Variants in RBM48 observed in about 807,000 individuals in gnomAD.
The protein encoded by RBM48 is RNA-binding protein 48.
In RBM48, 32 loss-of-function variants were observed where a neutral mutation model predicts 34.8. The ratio of observed to expected loss-of-function variants is 0.92; its 90% CI spans 0.69 to 1.23. RBM48 has a LOEUF of 1.23. RBM48 is among the 50% of genes most tolerant of loss of function. RBM48 has a pLI of 0.00. For missense variants in RBM48, 441 were observed against 447.2 expected (o/e 0.99, Z 0.12); for synonymous variants, 151 against 156.2 (o/e 0.97, Z 0.25).
In RBM48 at chr7:92,534,899, A is replaced by T. The variant is rs1487432649; in HGVS notation, c.946A>T (p.Ile316Phe). ...TATGATTGGACCTCTGTTACCAGAC[A>T]TCTCTAAAGTGGATATGCACGATGA... The part of the protein sequence containing the change: ...EIMIGPLLPD[I>F]SKVDMHDDSL... Residue 316 changes from isoleucine to phenylalanine, a missense_variant, in exon 4 of 5, where the codon ATC becomes TTC. Physicochemically the swap from Ile to Phe is conservative, Grantham distance 21. Coordinates refer to ENST00000265732, the MANE Select transcript of RBM48 (RefSeq NM_032120.4). The T allele has an allele frequency of 6.2e-7, 1 of 1,614,186 alleles. No homozygotes were observed. The highest frequency in any genetic ancestry group is 1.7e-5 in the Admixed American group (1 of 60,026).
intron 4 of RBM48, chr7:92,535,663 TACTC>T (rs1261365737): frequency 7.1e-6 from 7 of 985,118 alleles, no homozygotes; most frequent in Non-Finnish European, 8.4e-6. Flanking sequence ...CTCTTATACT[TACTC>T]CAAGATGCAG....
intron 4 of RBM48, chr7:92,536,129 CAA>C: frequency 2.1e-6 from 2 of 965,342 alleles, no homozygotes; most frequent in South Asian, 4.8e-5. Flanking sequence ...GACCCTGTCT[CAA>C]AAAAAAAGGT....
chr7:92,530,947 T>C (rs761531615), intron 2 of RBM48, among the ~76,000 whole-genome samples: 4 of 152,102 alleles, frequency 2.6e-5, no homozygotes, highest in African/African-American at 4.8e-5. Flanking sequence ...CTGGGTGTGT[T>C]GGTGCATTCC....
rs1793804019 is a variant in RBM48, at chr7:92,539,347, A to G, written c.*2410A>G. Among the ~76,000 whole-genome samples the G allele has an allele frequency of 6.6e-6, 1 of 152,254 alleles. No homozygotes were observed. The highest frequency in any genetic ancestry group is 6.5e-5 in the Admixed American group (1 of 15,288). The stretch of plus-strand genomic sequence containing the variant: ...CTACAGGGAGACAAATAAATTAAAG[A>G]GATGAGTTGAGGTGGATAAGGATAG... On this transcript the variant is annotated 3_prime_UTR_variant, in exon 5 of 5. Transcript: ENST00000265732.
rs1167665007 is a variant in RBM48 at position 92,537,141 on chromosome 7, G to C, written c.*204G>C. The C allele has an allele frequency of 5.3e-6, 2 of 374,376 alleles. No individual in the cohort carries two copies. Among genetic ancestry groups the C allele is most frequent in the East Asian group, 6.0e-5 (1 of 16,660 alleles). 23.2% of individuals were successfully genotyped at this position (374,376 alleles called of 1,614,324 possible). A position where few individuals can be genotyped will look rare whatever the true frequency, so the allele number is the denominator to read the frequency against. ...TCTGTTGCCCAGGCTGGAATGCAGT[G>C]GCGTGATCTCGGCTCACTGCAACCT... On this transcript the variant is annotated 3_prime_UTR_variant, in exon 5 of 5. Coordinates refer to ENST00000265732, the MANE Select transcript of RBM48 (RefSeq NM_032120.4).
intron 1 of RBM48, 45 bp from the exon 2 acceptor site, chr7:92,529,431 A>C (rs1473541739): frequency 1.7e-6 from 2 of 1,204,192 alleles, no homozygotes; most frequent in African/African-American, 1.5e-5. Context: ...GATTCGTCCT[A>C]GGCTTATTTG....
At chr7:92,534,029 A>G (rs988655212) in intron 3 of RBM48, among the ~76,000 whole-genome samples, 1 of 151,948 alleles carries the variant, frequency 6.6e-6, no homozygotes, top group African/African-American at 2.4e-5. Flanking sequence ...TAAGATCTAC[A>G]GTGAAATGGA....
chr7:92,536,729 C>T, intron 4 of RBM48, 122 bp from the exon 5 acceptor site: 1 of 1,373,948 alleles, frequency 7.3e-7, no homozygotes. Flanking sequence ...CTTAGGCGAA[C>T]TCTGCCTCGA....
At chr7:92,533,494 C>T (rs1793625324) in intron 3 of RBM48, among the ~76,000 whole-genome samples, 1 of 152,236 alleles carries the variant, frequency 6.6e-6, no homozygotes, top group South Asian at 2.1e-4. Context: ...TTAATCATCT[C>T]AGTGTTGGTG....
Position 92,530,488 on chromosome 7 carries a change from C to G in RBM48, c.302+822C>G, listed in dbSNP as rs147003433. ...CCAGCCTAGATGACAGAGCAAGGCT[C>G]TGTCTCAAAAAAAAAAAAAAATTCT... On this transcript the variant is annotated intron_variant, in intron 2 of 4. Transcript: ENST00000265732. 7.7e-3 allele frequency among the ~76,000 whole-genome samples: 1,096 copies of G among 142,148 alleles called. 17 individuals carry two copies. The highest frequency in any genetic ancestry group is 0.028 in the African/African-American group (1,041 of 37,742). 93.3% of individuals were successfully genotyped at this position (142,148 alleles called of 152,430 possible).
rs200270191 is a variant in RBM48 at position 92,534,907 on chromosome 7, A to C, written c.954A>C (p.Lys318Asn). 221 of 1,614,216 alleles carry C rather than the reference A, an allele frequency of 1.4e-4. 1 individual carries two copies. In the African/African-American group the frequency reaches 2.7e-3, roughly 19 times the overall value. Residue 318 changes from lysine (K) to asparagine (N), a missense_variant, in exon 4 of 5, where the codon AAA becomes AAC. Physicochemically the swap from Lys to Asn is moderately conservative, Grantham distance 94 (BLOSUM62 0). Transcript: ENST00000265732. ...MIGPLLPDISKVDMHDDSLNT... is the reference protein window; with the variant it reads ...MIGPLLPDISNVDMHDDSLNT... The stretch of plus-strand genomic sequence containing the variant: ...GACCTCTGTTACCAGACATCTCTAA[A>C]GTGGATATGCACGATGACTCATTGA...
chr7:92,537,110 T>C lies in RBM48; in HGVS notation c.*173T>C, dbSNP rs1793735512. ...TTTCTTTGTTTTTTGGGAGATGGAG[T>C]CTTGCTCTGTTGCCCAGGCTGGAAT... On this transcript the variant is annotated 3_prime_UTR_variant, in exon 5 of 5. Coordinates refer to ENST00000265732, the MANE Select transcript of RBM48 (RefSeq NM_032120.4). The C allele has an allele frequency of 4.1e-6, 2 of 490,706 alleles. No homozygotes were observed. Among genetic ancestry groups the C allele is most frequent in the Non-Finnish European group, 7.2e-6 (2 of 277,528 alleles). 30.4% of individuals were successfully genotyped at this position (490,706 alleles called of 1,614,324 possible). A position where few individuals can be genotyped will look rare whatever the true frequency, so the allele number is the denominator to read the frequency against.
rs183467591 is a variant in RBM48 at position 92,534,741 on chromosome 7, A to G, written c.788A>G (p.Lys263Arg). ...TCAGTGGCCTGCCCTGGTGCACAAA[A>G]GGCTATTACGTCTTCAGAGGCAGTT... is the stretch of plus-strand genomic sequence containing the variant. ...KNSVACPGAQ[K>R]AITSSEAVDR... Residue 263 changes from lysine to arginine, a missense_variant, in exon 4 of 5, where the codon AAG becomes AGG. Transcript: ENST00000265732. 1 of 1,614,196 alleles carries G rather than the reference A, an allele frequency of 6.2e-7. No individual in the cohort carries two copies. Among genetic ancestry groups the G allele is most frequent in the Non-Finnish European group, 8.5e-7 (1 of 1,180,028 alleles).
Position 92,528,951 on chromosome 7 carries a change from C to T in RBM48, c.111+27C>T, listed in dbSNP as rs191116159. 7.2e-6 allele frequency: 11 copies of T among 1,531,170 alleles called. No individual in the cohort carries two copies. The East Asian group carries it at 9.1e-5, about 13-fold the overall frequency. The allele number at this position is 1,531,170 out of a possible 1,614,324, so 94.8% of individuals were successfully genotyped here. A position where few individuals can be genotyped will look rare whatever the true frequency, so the allele number is the denominator to read the frequency against. On this transcript the variant is annotated intron_variant, in intron 1 of 4. Transcript: ENST00000265732. ...TAAAGTGATTTTGGTTTCATTCGCTCTCCTCGGTAGCTTTATGTGAGTGCT... is the reference window on the plus strand; with the variant it reads ...TAAAGTGATTTTGGTTTCATTCGCTTTCCTCGGTAGCTTTATGTGAGTGCT...
Position 92,538,439 on chromosome 7 carries a change from G to A in RBM48, c.*1502G>A, listed in dbSNP as rs1359623792. On this transcript the variant is annotated 3_prime_UTR_variant, in exon 5 of 5. Transcript: ENST00000265732. ...CTTTTACTCCCTCCTCCTCTTCAGA[G>A]ATGGGAGACAGGAAGAGAAATGGCC... Among the ~76,000 whole-genome samples the A allele has an allele frequency of 6.6e-6, 1 of 152,126 alleles. No homozygotes were observed. Among genetic ancestry groups the A allele is most frequent in the East Asian group, 1.9e-4 (1 of 5,196 alleles).
rs1793724100 is a variant in RBM48 at position 92,536,774 on chromosome 7, C to T, written c.1018-77C>T. On this transcript the variant is annotated intron_variant, in intron 4 of 4. Transcript: ENST00000265732. ...CAAGGATTGAACTATTGGATGTAGT[C>T]TTACCTCTTCTAATAGCTTATTTAC... 3.4e-6 allele frequency: 5 copies of T among 1,480,112 alleles called. No homozygotes were observed. In the East Asian group the frequency reaches 1.0e-4, roughly 30 times the overall value. 91.7% of individuals were successfully genotyped at this position (1,480,112 alleles called of 1,614,324 possible). A position where few individuals can be genotyped will look rare whatever the true frequency, so the allele number is the denominator to read the frequency against.
intron 4 of RBM48, 120 bp from the exon 5 acceptor site, chr7:92,536,731 C>T (rs1793721280): frequency 7.3e-7 from 1 of 1,376,068 alleles, no homozygotes. Flanking sequence ...TAGGCGAACT[C>T]TGCCTCGAAA....
rs912362883 is a variant in RBM48, at chr7:92,539,585, G to A, written c.*2648G>A. On this transcript the variant is annotated 3_prime_UTR_variant, in exon 5 of 5. Coordinates refer to ENST00000265732, the MANE Select transcript of RBM48 (RefSeq NM_032120.4). ...GTGGTGGCAAATGCCTATAATCCCA[G>A]CTACTCGGGAGGCTGAGGCATGAGA... Among the ~76,000 whole-genome samples the A allele has an allele frequency of 9.9e-5, 15 of 152,140 alleles. No individual in the cohort carries two copies. The highest frequency in any genetic ancestry group is 3.3e-4 in the Admixed American group (5 of 15,284).
chr7:92,538,918 C>T lies in RBM48; in HGVS notation c.*1981C>T, dbSNP rs191420407. 2.6e-5 allele frequency among the ~76,000 whole-genome samples: 4 copies of T among 152,172 alleles called. No homozygotes were observed. Among genetic ancestry groups the T allele is most frequent in the African/African-American group, 7.2e-5 (3 of 41,424 alleles). On this transcript the variant is annotated 3_prime_UTR_variant, in exon 5 of 5. Transcript: ENST00000265732. ...GGTTCCTGATAGTCCTGTGACCATG[C>T]GGAAGCCAGCACTCCTCATCCCCAC...
Sources: gnomAD v4.1 joint callset for allele counts (sites outside exome capture counted in the v4.1 genomes callset) on GRCh38, gnomAD v4.1.1 for gene constraint, MANE v1.5 for transcripts, NCBI Gene and HGNC (gene_info 2026-07-23, HGNC 2026-07-21) for gene names.